POLD3: variants seen among roughly 807,000 people sequenced by gnomAD.
The protein encoded by POLD3 is DNA polymerase delta subunit 3.
Under a neutral mutation model 58.2 loss-of-function variants are expected in POLD3, and 19 were observed. That is an observed-to-expected ratio of 0.33 (90% CI 0.23 to 0.48). The LOEUF is 0.48. Among genes scored for constraint, POLD3 ranks in the 20% least tolerant of loss-of-function variants. The probability of loss-of-function intolerance (pLI) is 0.99; values close to 1 mark genes in which losing one functional copy is unlikely to be tolerated. For missense variants in POLD3, 504 were observed against 545.5 expected (o/e 0.92, Z 0.76); for synonymous variants, 172 against 193.5 (o/e 0.89, Z 0.92).
chr11:74,614,848 G>A lies in POLD3; in HGVS notation c.392+1838G>A, dbSNP rs535737034. Among the ~76,000 whole-genome samples, 5 of 152,266 alleles carry A rather than the reference G, an allele frequency of 3.3e-5. No individual in the cohort carries two copies. The South Asian group carries it at 1.0e-3, about 32-fold the overall frequency. ...TTGGGCAGCTGGGTACTAAGAAGGG[G>A]AATATAACAGGAGGAGCAGGCTTTA... On this transcript the variant is annotated intron_variant, in intron 5 of 11. Transcript: ENST00000263681.
chr11:74,614,033 A>C (rs1267504782), intron 5 of POLD3, among the ~76,000 whole-genome samples: 1 of 152,218 alleles, frequency 6.6e-6, no homozygotes, highest in African/African-American at 2.4e-5. Context: ...AAGAGAGAAA[A>C]CATGCTTGTG....
At chr11:74,653,836 A>C (rs1214411059) in intron 4 of POLD3, among the ~76,000 whole-genome samples, 1 of 152,202 alleles carries the variant, frequency 6.6e-6, no homozygotes, top group African/African-American at 2.4e-5. Context: ...AAGACTGGGT[A>C]ATTTACAAGG....
At position 74,611,479 on chromosome 11, in the gene POLD3, A is replaced by T; in HGVS notation, c.220-20A>T. On this transcript the variant is annotated intron_variant, in intron 3 of 11. Coordinates refer to ENST00000263681, the MANE Select transcript of POLD3 (RefSeq NM_006591.3). Reference sequence around the variant, plus strand: ...GCAGATTCTTACATTAAGCACTAATAAAGTGTTATTTTCTTACAGTGCCAC... The same window carrying T: ...GCAGATTCTTACATTAAGCACTAATTAAGTGTTATTTTCTTACAGTGCCAC... The T allele has an allele frequency of 6.8e-7, 1 of 1,469,400 alleles. No homozygotes were observed. The highest frequency in any genetic ancestry group is 9.5e-7 in the Non-Finnish European group (1 of 1,057,154). 91.0% of individuals were successfully genotyped at this position (1,469,400 alleles called of 1,614,324 possible).
At chr11:74,631,184 T>C (rs2032578698) in intron 9 of POLD3, among the ~76,000 whole-genome samples, 1 of 152,252 alleles carries the variant, frequency 6.6e-6, no homozygotes, top group African/African-American at 2.4e-5. Flanking sequence ...ACACTGAATA[T>C]GTCATATTAG....
chr11:74,619,157 T>A (rs993229849), intron 6 of POLD3, among the ~76,000 whole-genome samples: 3 of 152,212 alleles, frequency 2.0e-5, no homozygotes, highest in Admixed American at 6.5e-5. Flanking sequence ...GAACATCTTA[T>A]ATTCTGGGCT....
At chr11:74,603,769 G>A (rs2031580408) in intron 2 of POLD3, among the ~76,000 whole-genome samples, 1 of 152,114 alleles carries the variant, frequency 6.6e-6, no homozygotes, top group African/African-American at 2.4e-5. Context: ...CAGCAATGTA[G>A]GTTGAGCTTC....
chr11:74,646,098 G>A (rs1337189138), downstream of POLD3, among the ~76,000 whole-genome samples: 3 of 151,970 alleles, frequency 2.0e-5, no homozygotes, highest in Non-Finnish European at 2.9e-5. Flanking sequence ...TCAGCCTCCC[G>A]AGTAGCTGGG....
intron 5 of POLD3, among the ~76,000 whole-genome samples, chr11:74,618,199 A>T (rs1427559103): frequency 6.7e-6 from 1 of 149,990 alleles, no homozygotes; most frequent in East Asian, 2.0e-4. Flanking sequence ...TGTTGGTTGC[A>T]TTCCTACTCT....
intron 4 of POLD3, among the ~76,000 whole-genome samples, chr11:74,648,140 G>A (rs2033023864): frequency 6.6e-6 from 1 of 152,194 alleles, no homozygotes; most frequent in Non-Finnish European, 1.5e-5. Context: ...CCCTTTGGGT[G>A]GATCAAAAGG....
intron 5 of POLD3, among the ~76,000 whole-genome samples, chr11:74,615,553 A>G (rs1033248735): frequency 2.0e-5 from 3 of 152,358 alleles, no homozygotes; most frequent in Non-Finnish European, 2.9e-5. Context: ...GCAAATATGG[A>G]CAGCTCTTTC....
At chr11:74,659,033 A>T (rs1296896971) in intron 4 of POLD3, among the ~76,000 whole-genome samples, 1 of 152,184 alleles carries the variant, frequency 6.6e-6, no homozygotes, top group Non-Finnish European at 1.5e-5. Context: ...GAGGTTTTCC[A>T]TGAGGGCCCC....
intron 11 of POLD3, 58 bp downstream of exon 11, chr11:74,636,333 A>G: frequency 6.4e-7 from 1 of 1,556,904 alleles, no homozygotes; most frequent in South Asian, 1.1e-5. Context: ...CCACAGAGGC[A>G]CCATAATCCC....
intron 4 of POLD3, chr11:74,652,660 G>A (rs532209981): frequency 2.0e-5 from 3 of 152,352 alleles, no homozygotes; most frequent in South Asian, 4.1e-4. Context: ...ATTAAAGATA[G>A]GAAAGTGAAG....
At chr11:74,622,927 A>C (rs551646887) in intron 7 of POLD3, among the ~76,000 whole-genome samples, 54 of 152,352 alleles carry the variant, frequency 3.5e-4, no homozygotes, top group Admixed American at 1.9e-3. Flanking sequence ...AAAAATTGAA[A>C]CAATCCAAAA....
At chr11:74,607,250 ATT>A (rs201656021) in intron 3 of POLD3, among the ~76,000 whole-genome samples, 24 of 139,608 alleles carry the variant, frequency 1.7e-4, no homozygotes, top group East Asian at 1.2e-3. Context: ...TTATATATTT[ATT>A]TATTTATTTA....
chr11:74,610,472 G>A (rs544495775), intron 3 of POLD3, among the ~76,000 whole-genome samples: 112 of 152,258 alleles, frequency 7.4e-4, no homozygotes, highest in Non-Finnish European at 1.3e-3. Flanking sequence ...GCCTCCCAAA[G>A]TACTGGGATT....
At chr11:74,660,256 A>T (rs546042284) in intron 4 of POLD3, among the ~76,000 whole-genome samples, 11 of 152,292 alleles carry the variant, frequency 7.2e-5, no homozygotes, top group African/African-American at 2.6e-4. Flanking sequence ...GGTCCCTCTC[A>T]CAACAGGTGG....
At chr11:74,668,763 T>C in intron 4 of POLD3, 1 of 1,256,726 alleles carries the variant, frequency 8.0e-7, no homozygotes, top group South Asian at 1.3e-5. Context: ...CTTTCTGTTG[T>C]GTTTTTTTTA....
At chr11:74,604,937 A>G (rs2031625595) in intron 3 of POLD3, 143 bp downstream of exon 3, 1 of 572,316 alleles carries the variant, frequency 1.7e-6, no homozygotes, top group Admixed American at 3.4e-5. Flanking sequence ...ATTATTTTGG[A>G]TTTTTAGATT....
Sources: allele counts gnomAD v4.1 joint callset (sites outside exome capture counted in the v4.1 genomes callset), GRCh38; gene constraint gnomAD v4.1.1; transcripts MANE v1.5; gene names NCBI Gene and HGNC (gene_info 2026-07-23, HGNC 2026-07-21).